Variants in ABLIM1 observed in about 807,000 individuals in gnomAD.
ABLIM1 encodes actin binding LIM protein 1.
A neutral mutation model predicts 107.0 loss-of-function variants in ABLIM1; 40 were observed. The ratio of observed to expected loss-of-function variants is 0.37; its 90% CI spans 0.29 to 0.49. ABLIM1 has a LOEUF of 0.49. ABLIM1 is among the 20% of genes least tolerant of loss of function. ABLIM1 has a pLI of 0.97. For synonymous variants in ABLIM1, 357 were observed against 357.3 expected (o/e 1.00, Z 0.01); for missense variants, 857 against 1,008.5 (o/e 0.85, Z 2.04).
chr10:114,754,624 G>A (rs2082590446), intron 1 of ABLIM1, among the ~76,000 whole-genome samples: 1 of 152,186 alleles, frequency 6.6e-6, no homozygotes, highest in Admixed American at 6.5e-5. Context: ...CCAAAGCAAG[G>A]CTCTGATGTA....
At chr10:114,534,693 C>T (rs555515376) in intron 6 of ABLIM1, among the ~76,000 whole-genome samples, 205 of 152,300 alleles carry the variant, frequency 1.3e-3, no homozygotes, top group African/African-American at 4.8e-3. Flanking sequence ...GGTTGACTTC[C>T]TGGAAGAGTC....
intron 1 of ABLIM1, among the ~76,000 whole-genome samples, chr10:114,704,300 CTCTA>C (rs1255523754): frequency 5.5e-3 from 160 of 28,864 alleles, no homozygotes; most frequent in South Asian, 0.014. Context: ...CTCTCTCTCT[CTCTA>C]TATATATATA....
chr10:114,669,792 C>T (rs2141370145), intron 1 of ABLIM1, among the ~76,000 whole-genome samples: 1 of 152,136 alleles, frequency 6.6e-6, no homozygotes, highest in East Asian at 1.9e-4. Flanking sequence ...ATCTGGAGCT[C>T]CGTGTGTGTG....
chr10:114,524,327 G>T (rs1408140281), intron 6 of ABLIM1, among the ~76,000 whole-genome samples: 2 of 152,114 alleles, frequency 1.3e-5, no homozygotes, highest in African/African-American at 4.8e-5. Flanking sequence ...TGCTAAAGGT[G>T]TAAGAAAAAT....
At chr10:114,583,189 G>A (rs2073627347) in intron 2 of ABLIM1, among the ~76,000 whole-genome samples, 2 of 151,292 alleles carry the variant, frequency 1.3e-5, no homozygotes, top group South Asian at 4.2e-4. Flanking sequence ...CCATTAAAAA[G>A]TGGCCAAAAA....
chr10:114,460,994 GTT>G (rs2063770472), intron 12 of ABLIM1, among the ~76,000 whole-genome samples: 1 of 152,126 alleles, frequency 6.6e-6, no homozygotes, highest in Non-Finnish European at 1.5e-5. Flanking sequence ...AAGTGAGGAA[GTT>G]TACATTTTAA....
chr10:114,728,707 C>T (rs933002859), intron 1 of ABLIM1, among the ~76,000 whole-genome samples: 2 of 151,808 alleles, frequency 1.3e-5, no homozygotes, highest in African/African-American at 4.8e-5. Flanking sequence ...TGTGAGAATA[C>T]TCTAAAAGCA....
At chr10:114,554,234 C>T (rs1005698838) in intron 4 of ABLIM1, among the ~76,000 whole-genome samples, 1 of 152,090 alleles carries the variant, frequency 6.6e-6, no homozygotes, top group Admixed American at 6.6e-5. Flanking sequence ...CCAAAGGAAC[C>T]CTGAAGGACA....
At chr10:114,789,678 A>G in the ABLIM1 span, among the ~76,000 whole-genome samples, 1 of 151,760 alleles carries the variant, frequency 6.6e-6, no homozygotes, top group Admixed American at 6.6e-5. Context: ...ATGATTAGTG[A>G]TATTGAGCAT....
At chr10:114,787,192 T>C in the ABLIM1 span, among the ~76,000 whole-genome samples, 1 of 150,358 alleles carries the variant, frequency 6.7e-6, no homozygotes, top group Non-Finnish European at 1.5e-5. Flanking sequence ...CCGCCCCGTC[T>C]GAGAAGTGAG....
chr10:114,580,353 A>G (rs556490125), intron 2 of ABLIM1, among the ~76,000 whole-genome samples: 2 of 152,126 alleles, frequency 1.3e-5, no homozygotes, highest in East Asian at 1.9e-4. Context: ...GACTATAGGC[A>G]TGTGCCACCA....
intron 13 of ABLIM1, among the ~76,000 whole-genome samples, chr10:114,453,085 T>C (rs1223930065): frequency 6.6e-6 from 1 of 152,154 alleles, no homozygotes; most frequent in Non-Finnish European, 1.5e-5. Flanking sequence ...CAGAAGGCAA[T>C]GATAAAAAGG....
At chr10:114,694,006 A>G (rs2081143855) in intron 1 of ABLIM1, among the ~76,000 whole-genome samples, 1 of 152,218 alleles carries the variant, frequency 6.6e-6, no homozygotes. Context: ...GGCCACAGGC[A>G]GAATAGTAGC....
At chr10:114,651,448 G>A (rs993803928) in intron 1 of ABLIM1, among the ~76,000 whole-genome samples, 15 of 152,184 alleles carry the variant, frequency 9.9e-5, no homozygotes, top group Non-Finnish European at 2.1e-4. Context: ...GGGCCTCAGA[G>A]AAACTGGGGA....
chr10:114,737,475 C>T (rs956143852), intron 1 of ABLIM1, among the ~76,000 whole-genome samples: 2 of 152,190 alleles, frequency 1.3e-5, no homozygotes, highest in African/African-American at 4.8e-5. Context: ...AGCTCTAATT[C>T]CAAATCCCTC....
chr10:114,499,419 C>A (rs1157309230), intron 6 of ABLIM1, among the ~76,000 whole-genome samples: 1 of 152,156 alleles, frequency 6.6e-6, no homozygotes, highest in Non-Finnish European at 1.5e-5. Flanking sequence ...AAGGAATAAG[C>A]AAATTGTTTT....
At chr10:114,452,391 G>C (rs781187642) in intron 13 of ABLIM1, among the ~76,000 whole-genome samples, 1 of 151,944 alleles carries the variant, frequency 6.6e-6, no homozygotes, top group Non-Finnish European at 1.5e-5. Context: ...ACTGTATCTT[G>C]GTGGGGCATT....
At position 114,539,517 on chromosome 10, in the gene ABLIM1, C is replaced by T. The variant is rs186325778; in HGVS notation, c.894+5488G>A. Among the ~76,000 whole-genome samples the T allele has an allele frequency of 1.9e-3, 282 of 152,316 alleles. 2 individuals carry two copies. The highest frequency in any genetic ancestry group is 6.5e-3 in the African/African-American group (272 of 41,568). On this transcript the variant is annotated intron_variant, in intron 6 of 22. Transcript: ENST00000533213. ...ACCTTTGTAAACAGAGACCAAGAAA[C>T]TCAGTTGCTGTCTTACTTAAATTTA...
intron 6 of ABLIM1, chr10:114,526,964 G>A: frequency 1.0e-6 from 1 of 985,402 alleles, no homozygotes; most frequent in Non-Finnish European, 1.2e-6. Context: ...CAACCACAAT[G>A]GGCCAGTCCA....
Sources: allele counts gnomAD v4.1 joint callset (sites outside exome capture counted in the v4.1 genomes callset), GRCh38; gene constraint gnomAD v4.1.1; transcripts MANE v1.5; gene names NCBI Gene and HGNC (gene_info 2026-07-23, HGNC 2026-07-21).